IL1RL2: variants seen among roughly 807,000 people sequenced by gnomAD.
IL1RL2 encodes interleukin-1 receptor-like 2.
Under a neutral mutation model 66.8 loss-of-function variants are expected in IL1RL2, and 68 were observed. That is an observed-to-expected ratio of 1.02 (90% confidence interval 0.84 to 1.25). The LOEUF (loss-of-function observed/expected upper bound fraction) is 1.25. IL1RL2 is among the 50% of genes most tolerant of loss of function. IL1RL2 has a pLI of 0.00. For synonymous variants in IL1RL2, 305 were observed against 264.6 expected (o/e 1.15, Z -1.48); for missense variants, 729 against 709.3 (o/e 1.03, Z -0.32).
chr2:102,208,601 GA>G (rs1688895721), intron 5 of IL1RL2, among the ~76,000 whole-genome samples: 1 of 152,232 alleles, frequency 6.6e-6, no homozygotes, highest in Non-Finnish European at 1.5e-5. Context: ...TCACACTTCA[GA>G]GTACTAGGGG....
intron 11 of IL1RL2, among the ~76,000 whole-genome samples, chr2:102,237,338 GCCAGAGGTGGTGC>G (rs1674974227): frequency 6.6e-6 from 1 of 152,202 alleles, no homozygotes; most frequent in South Asian, 2.1e-4. Flanking sequence ...TAGTCAAGTG[GCCAGAGGTGGTGC>G]CCACTGCCCT....
At chr2:102,228,782 G>A (rs1340993033) in intron 9 of IL1RL2, among the ~76,000 whole-genome samples, 1 of 152,178 alleles carries the variant, frequency 6.6e-6, no homozygotes, top group African/African-American at 2.4e-5. Flanking sequence ...TAAAGCAAAG[G>A]CAATGACAAG....
intron 4 of IL1RL2, among the ~76,000 whole-genome samples, chr2:102,198,443 A>T (rs1188762760): frequency 6.6e-6 from 1 of 152,140 alleles, no homozygotes. Context: ...TTTTTGTTTC[A>T]ATCCCAAATT....
intron 6 of IL1RL2, among the ~76,000 whole-genome samples, chr2:102,217,644 T>G (rs1393212398): frequency 6.6e-6 from 1 of 152,156 alleles, no homozygotes. Context: ...AACAGCCAAC[T>G]GATATTTGAC....
intron 8 of IL1RL2, among the ~76,000 whole-genome samples, chr2:102,222,252 C>A (rs931869036): frequency 2.6e-5 from 4 of 152,104 alleles, no homozygotes; most frequent in Non-Finnish European, 4.4e-5. Context: ...CATTGAATAA[C>A]TAGGTCACAA....
At chr2:102,190,383 G>T (rs555911109) in intron 3 of IL1RL2, among the ~76,000 whole-genome samples, 33 of 152,254 alleles carry the variant, frequency 2.2e-4, no homozygotes, top group African/African-American at 6.7e-4. Context: ...CTGAGCCTTG[G>T]TTTTTTTCTG....
intron 5 of IL1RL2, among the ~76,000 whole-genome samples, chr2:102,208,392 A>T (rs1382015469): frequency 6.6e-6 from 1 of 152,222 alleles, no homozygotes. Context: ...TATTGTCAGA[A>T]ACAGAGCCAG....
rs549627572 is a variant in IL1RL2 at position 102,201,425 on chromosome 2, C to T, written c.490-131C>T. On this transcript the variant is annotated intron_variant, in intron 4 of 11. Transcript: ENST00000264257. The stretch of plus-strand genomic sequence containing the variant: ...CCATCTATCATCAATCTATCATCTA[C>T]CTATTTTTCTATTTACCTAGCTAGC... 1,918 of 719,400 alleles carry T rather than the reference C, an allele frequency of 2.7e-3. 8 individuals carry two copies. Among genetic ancestry groups the T allele is most frequent in the Non-Finnish European group, 3.4e-3 (1,443 of 421,764 alleles). 44.6% of individuals were successfully genotyped at this position (719,400 alleles called of 1,614,324 possible). A position where few individuals can be genotyped will look rare whatever the true frequency, so the allele number is the denominator to read the frequency against.
chr2:102,238,840 C>T (rs1578214039), intron 11 of IL1RL2, among the ~76,000 whole-genome samples: 1 of 152,116 alleles, frequency 6.6e-6, no homozygotes, highest in East Asian at 1.9e-4. Flanking sequence ...CACCCAGGAA[C>T]TTCTGAGAAA....
At chr2:102,216,545 G>T (rs890265337) in intron 6 of IL1RL2, among the ~76,000 whole-genome samples, 6 of 151,952 alleles carry the variant, frequency 3.9e-5, no homozygotes, top group African/African-American at 1.5e-4. Flanking sequence ...GTATGTCTTT[G>T]AATTAGAGAA....
chr2:102,188,569 CAGAG>C (rs1421706168), intron 2 of IL1RL2, among the ~76,000 whole-genome samples: 2 of 115,472 alleles, frequency 1.7e-5, no homozygotes, highest in East Asian at 2.9e-4. Flanking sequence ...GCCTGGGCGA[CAGAG>C]AGAGACTCCG....
At chr2:102,234,817 G>C in intron 10 of IL1RL2, 80 bp from the exon 11 acceptor site, 1 of 1,338,828 alleles carries the variant, frequency 7.5e-7, no homozygotes, top group East Asian at 2.3e-5. Flanking sequence ...CTCCTGGCCT[G>C]TTTCAAACAT....
At chr2:102,235,622 C>G in intron 11 of IL1RL2, 1 of 985,358 alleles carries the variant, frequency 1.0e-6, no homozygotes, top group South Asian at 4.7e-5. Flanking sequence ...GGAAGTTTGC[C>G]CATGATGTGG....
intron 3 of IL1RL2, among the ~76,000 whole-genome samples, chr2:102,191,426 G>A (rs559287440): frequency 3.4e-4 from 52 of 152,098 alleles, no homozygotes; most frequent in African/African-American, 1.3e-3. Context: ...TTCTTTTCCA[G>A]TACAGTTACC....
chr2:102,217,241 T>G (rs1689689584), intron 6 of IL1RL2, among the ~76,000 whole-genome samples: 1 of 152,192 alleles, frequency 6.6e-6, no homozygotes, highest in African/African-American at 2.4e-5. Context: ...TATAGTATTC[T>G]TGGATAGCAG....
intron 9 of IL1RL2, 133 bp downstream of exon 9, chr2:102,226,174 G>T: frequency 1.6e-6 from 1 of 628,946 alleles, no homozygotes; most frequent in Admixed American, 3.3e-5. Flanking sequence ...CCTTGGAACT[G>T]CCTGTGCTTT....
At chr2:102,223,419 T>C (rs1690319577) in intron 8 of IL1RL2, among the ~76,000 whole-genome samples, 2 of 152,200 alleles carry the variant, frequency 1.3e-5, no homozygotes, top group African/African-American at 4.8e-5. Flanking sequence ...TCACTCACCA[T>C]CTCAGTTGAA....
chr2:102,218,589 C>G (rs926338708), intron 6 of IL1RL2, among the ~76,000 whole-genome samples: 2 of 152,212 alleles, frequency 1.3e-5, no homozygotes, highest in African/African-American at 4.8e-5. Context: ...AGCCCCTCCC[C>G]TTTTCCTGCC....
intron 6 of IL1RL2, among the ~76,000 whole-genome samples, chr2:102,213,932 T>TA (rs1225981587): frequency 1.3e-5 from 2 of 152,002 alleles, no homozygotes; most frequent in African/African-American, 2.4e-5. Context: ...CACCCAAATA[T>TA]AAAAAAATTA....
Sources: allele counts gnomAD v4.1 joint callset (sites outside exome capture counted in the v4.1 genomes callset), GRCh38; gene constraint gnomAD v4.1.1; transcripts MANE v1.5; gene names NCBI Gene and HGNC (gene_info 2026-07-23, HGNC 2026-07-21).